The following ALOXE3 variants were observed in gnomAD, a reference collection of about 807,000 sequenced individuals.
ALOXE3 encodes hydroperoxide isomerase ALOXE3.
A neutral mutation model predicts 87.5 loss-of-function variants in ALOXE3; 78 were observed. The ratio of observed to expected loss-of-function variants is 0.89; its 90% CI spans 0.74 to 1.08. The LOEUF (loss-of-function observed/expected upper bound fraction) is 1.08. Ranked by LOEUF, ALOXE3 falls within the 50% of genes least tolerant of loss-of-function variation. The probability of loss-of-function intolerance (pLI) is 0.00; values close to 1 mark genes in which losing one functional copy is unlikely to be tolerated. For synonymous variants in ALOXE3, 363 were observed against 370.8 expected (o/e 0.98, Z 0.24); for missense variants, 946 against 912.4 (o/e 1.04, Z -0.47).
At position 8,115,200 on chromosome 17, in the gene ALOXE3, A is replaced by G. The variant is rs962099305; in HGVS notation, c.435-143T>C. ...ACAAGGAATTGGACATTTCTCCATG[A>G]AAGCACTGGCTTCACATAGGGTAGC... On this transcript the variant is annotated intron_variant, in intron 4 of 15. Coordinates refer to ENST00000448843, the MANE Select transcript of ALOXE3 (RefSeq NM_021628.3). 5.0e-6 allele frequency: 6 copies of G among 1,195,472 alleles called. No individual in the cohort carries two copies. In the African/African-American group the frequency reaches 6.0e-5, roughly 12 times the overall value. 74.1% of individuals were successfully genotyped at this position (1,195,472 alleles called of 1,614,324 possible).
At chr17:8,107,155 G>A (rs1039306215) in intron 13 of ALOXE3, among the ~76,000 whole-genome samples, 1 of 152,170 alleles carries the variant, frequency 6.6e-6, no homozygotes, top group Admixed American at 6.5e-5. Context: ...AAGGAGGGAG[G>A]AGCTGTCAGG....
At chr17:8,111,318 AC>A in intron 8 of ALOXE3, 40 bp downstream of exon 8, 2 of 1,609,924 alleles carry the variant, frequency 1.2e-6, no homozygotes, top group Non-Finnish European at 1.7e-6. Flanking sequence ...TGACACACCC[AC>A]CTCCCACCTA....
At chr17:8,109,835 C>T in intron 11 of ALOXE3, 81 bp downstream of exon 11, 1 of 1,410,086 alleles carries the variant, frequency 7.1e-7, no homozygotes, top group Non-Finnish European at 9.6e-7. Context: ...GGGGCTTGGG[C>T]GCAGAACAGG....
upstream of ALOXE3, chr17:8,118,688 C>T (rs1359241811): frequency 6.5e-7 from 1 of 1,537,210 alleles, no homozygotes; most frequent in Non-Finnish European, 8.7e-7. Flanking sequence ...GCCTTTGGCA[C>T]GCCCGACCTC....
intron 14 of ALOXE3, among the ~76,000 whole-genome samples, chr17:8,103,852 C>T (rs1598198516): frequency 6.6e-6 from 1 of 152,120 alleles, no homozygotes; most frequent in African/African-American, 2.4e-5. Flanking sequence ...GCTACTCCAC[C>T]TGGCTGGGTT....
At chr17:8,103,778 T>G (rs536100810) in intron 14 of ALOXE3, among the ~76,000 whole-genome samples, 4 of 151,178 alleles carry the variant, frequency 2.6e-5, no homozygotes, top group African/African-American at 9.7e-5. Context: ...GGGAAGGAGG[T>G]GGCCCCAGAG....
intron 12 of ALOXE3, among the ~76,000 whole-genome samples, 167 bp from the exon 13 acceptor site, chr17:8,108,756 CCACT>C (rs1475703089): frequency 2.6e-5 from 4 of 152,104 alleles, no homozygotes; most frequent in African/African-American, 9.7e-5. Context: ...CCCTTAAGTC[CCACT>C]CACTCCTGAG....
At chr17:8,118,636 C>T, upstream of ALOXE3, 1 of 1,537,214 alleles carries the variant, frequency 6.5e-7, no homozygotes, top group Non-Finnish European at 8.7e-7. Flanking sequence ...TCCCTGTCAC[C>T]CCATACACCG....
rs1440606072 is a variant in ALOXE3, at chr17:8,109,179, A to T, written c.1557T>A (p.Ile519=). 1.2e-6 allele frequency: 2 copies of T among 1,613,098 alleles called. No homozygotes were observed. The highest frequency in any genetic ancestry group is 1.7e-6 in the Non-Finnish European group (2 of 1,179,946). The change falls in exon 12 of 16, where the codon ATT becomes ATA. Residue 519 remains isoleucine (I), a synonymous_variant. Transcript: ENST00000448843. ...RDDGLKIWAA[I]ESFVSEIVGY... ...TCCCGCCCCGCACCTCGCACCTCTC[A>T]ATGGCCGCCCAGATCTTCAGGCCGT...
chr17:8,103,395 G>A lies in ALOXE3; in HGVS notation c.1884C>T (p.Thr628=). 1 of 1,614,114 alleles carries A rather than the reference G, an allele frequency of 6.2e-7. No homozygotes were observed. The highest frequency in any genetic ancestry group is 8.5e-7 in the Non-Finnish European group (1 of 1,180,000). Residue 628 remains threonine (T), a synonymous_variant, in exon 15 of 16, where the codon ACC becomes ACT. Transcript: ENST00000448843. ...TACAGCTGATGTTCACTTCAGGGAGGGTGTCTAGGTAAGTCTTCAGGGTGG... is the reference window on the plus strand; with the variant it reads ...TACAGCTGATGTTCACTTCAGGGAGAGTGTCTAGGTAAGTCTTCAGGGTGG... ...GTTTLKTYLD[T]LPEVNISCNN... is the part of the protein sequence containing the mutation.
intron 8 of ALOXE3, 60 bp from the exon 9 acceptor site, chr17:8,110,588 T>C (rs1979991418): frequency 6.3e-7 from 1 of 1,599,872 alleles, no homozygotes; most frequent in Non-Finnish European, 8.5e-7. Flanking sequence ...TTCCCTCCCA[T>C]TTCCCTGCCC....
intron 6 of ALOXE3, 65 bp downstream of exon 6, chr17:8,114,419 G>A: frequency 6.2e-7 from 1 of 1,611,918 alleles, no homozygotes; most frequent in Non-Finnish European, 8.5e-7. Flanking sequence ...GGCAGTCTGG[G>A]AGCACGGGGA....
In ALOXE3 at chr17:8,109,489, C is replaced by A. The variant is rs973577499; in HGVS notation, c.1393-146G>T. 7.2e-6 allele frequency: 8 copies of A among 1,106,950 alleles called. No homozygotes were observed. The African/African-American group carries it at 1.2e-4, about 17-fold the overall frequency. The allele number at this position is 1,106,950 out of a possible 1,614,324, so 68.6% of individuals were successfully genotyped here. A position where few individuals can be genotyped will look rare whatever the true frequency, so the allele number is the denominator to read the frequency against. On this transcript the variant is annotated intron_variant, in intron 11 of 15. Coordinates refer to ENST00000448843, the MANE Select transcript of ALOXE3 (RefSeq NM_021628.3). ...CGGATCAAATACCCACGAGGGCCTG[C>A]CTGACGCAGGCTGCGCAGCTTGACG...
At chr17:8,111,956 A>C in intron 7 of ALOXE3, 137 bp downstream of exon 7, 1 of 804,120 alleles carries the variant, frequency 1.2e-6, no homozygotes, top group East Asian at 2.5e-5. Flanking sequence ...CCACCAGTGA[A>C]GCCAGGAGCC....
At chr17:8,097,169 G>C (rs1978595876) in intron 15 of ALOXE3, among the ~76,000 whole-genome samples, 1 of 152,100 alleles carries the variant, frequency 6.6e-6, no homozygotes, top group African/African-American at 2.4e-5. Flanking sequence ...TCACTCTGTT[G>C]CCCAGGCTGG....
chr17:8,117,796 G>A (rs1980729840), intron 2 of ALOXE3, 48 bp downstream of exon 2: 3 of 1,593,160 alleles, frequency 1.9e-6, no homozygotes, highest in South Asian at 2.3e-5. Flanking sequence ...TCCCGCCTGC[G>A]GCCCCTGCCC....
At chr17:8,101,632 CT>C (rs1978928714) in intron 15 of ALOXE3, among the ~76,000 whole-genome samples, 1 of 151,930 alleles carries the variant, frequency 6.6e-6, no homozygotes, top group Admixed American at 6.6e-5. Flanking sequence ...TGGGATCTTT[CT>C]TTTTTTGTTG....
chr17:8,103,969 C>A, intron 14 of ALOXE3, 146 bp downstream of exon 14: 1 of 709,454 alleles, frequency 1.4e-6, no homozygotes, highest in Non-Finnish European at 2.5e-6. Context: ...AATGCCAACC[C>A]TTCACCCCAC....
At chr17:8,113,908 C>G (rs1282089264) in intron 6 of ALOXE3, among the ~76,000 whole-genome samples, 1 of 151,790 alleles carries the variant, frequency 6.6e-6, no homozygotes, top group African/African-American at 2.4e-5. Context: ...GCCTGTAGTC[C>G]CAGCTACTCA....
Sources: gnomAD v4.1 joint callset for allele counts (sites outside exome capture counted in the v4.1 genomes callset) on GRCh38, gnomAD v4.1.1 for gene constraint, MANE v1.5 for transcripts, NCBI Gene and HGNC (gene_info 2026-07-23, HGNC 2026-07-21) for gene names.